The following TOPAZ1 variants were observed in gnomAD, a reference collection of about 807,000 sequenced individuals.
TOPAZ1 encodes testis and ovary specific TOPAZ 1, also known as protein TOPAZ1.
Under a neutral mutation model 172.2 loss-of-function variants are expected in TOPAZ1, and 66 were observed. The observed-to-expected ratio is 0.38, with a 90% CI of 0.31 to 0.47. The LOEUF (loss-of-function observed/expected upper bound fraction) is 0.47. TOPAZ1 is among the 20% of genes least tolerant of loss of function. The probability of loss-of-function intolerance (pLI) is 0.99; values close to 1 mark genes in which losing one functional copy is unlikely to be tolerated. For missense variants in TOPAZ1, 1,822 were observed against 1,972.4 expected (o/e 0.92, Z 1.44); for synonymous variants, 681 against 683.9 (o/e 1.00, Z 0.07).
In TOPAZ1 at chr3:44,331,792, G is replaced by A. The variant is rs1210215596; in HGVS notation, c.4860G>A (p.Arg1620=). ...ACTTTATGAGGTGTTCATTTTATAG[G>A]TGTGAAGACAACCAGTCTCGGAGCA... ...STQILQIVLK[R]CEDNQSRSND... is the part of the protein sequence containing the mutation. The change falls in exon 20 of 20, where the codon AGG becomes AGA. Residue 1620 remains arginine, a splice_region_variant and synonymous_variant. Transcript: ENST00000309765. 66 of 1,550,446 alleles carry A rather than the reference G, an allele frequency of 4.3e-5. No individual in the cohort carries two copies. Among genetic ancestry groups the A allele is most frequent in the Non-Finnish European group, 5.7e-5 (65 of 1,145,868 alleles).
Position 44,287,507 on chromosome 3 carries a change from G to C in TOPAZ1, c.3555G>C (p.Gln1185His). 6.6e-7 allele frequency: 1 copy of C among 1,522,386 alleles called. No homozygotes were observed. Among genetic ancestry groups the C allele is most frequent in the Non-Finnish European group, 8.8e-7 (1 of 1,134,612 alleles). 94.3% of individuals were successfully genotyped at this position (1,522,386 alleles called of 1,614,324 possible). ...ATTGTTTGTTGAAAGAAGTATTTCA[G>C]ATAGTGAACCTCAGCATAATGGTTA... ...LKHCLLKEVF[Q>H]IVNLSIMVKM... The change falls in exon 10 of 20, where the codon CAG (glutamine) becomes CAC (histidine). Residue 1185 changes from glutamine (Q) to histidine (H), a missense_variant. By Grantham distance (24) the Gln-to-His change is conservative (BLOSUM62 0). Coordinates refer to ENST00000309765, the MANE Select transcript of TOPAZ1 (RefSeq NM_001145030.2).
intron 18 of TOPAZ1, among the ~76,000 whole-genome samples, chr3:44,325,264 C>T (rs1700586543): frequency 6.6e-6 from 1 of 152,186 alleles, no homozygotes; most frequent in African/African-American, 2.4e-5. Context: ...CGCTGACTTT[C>T]TTCAAGGCAC....
Position 44,266,993 on chromosome 3 carries a change from A to C in TOPAZ1, c.3021-4A>C, listed in dbSNP as rs1699837117. The C allele has an allele frequency of 1.3e-6, 2 of 1,527,562 alleles. No individual in the cohort carries two copies. Among genetic ancestry groups the C allele is most frequent in the South Asian group, 2.5e-5 (2 of 78,810 alleles). The allele number at this position is 1,527,562 out of a possible 1,614,324, so 94.6% of individuals were successfully genotyped here. ...TTCTGATGTTAATTTTTCCTTTCAC[A>C]CAGCAAAGATTCTAGAAATGCAGAC... On this transcript the variant is annotated splice_region_variant and splice_polypyrimidine_tract_variant and intron_variant, in intron 5 of 19. Coordinates refer to ENST00000309765, the MANE Select transcript of TOPAZ1 (RefSeq NM_001145030.2).
chr3:44,270,264 G>A (rs1485345069), intron 7 of TOPAZ1, among the ~76,000 whole-genome samples: 4 of 152,244 alleles, frequency 2.6e-5, no homozygotes, highest in Admixed American at 1.3e-4. Context: ...TTAACTTTTT[G>A]TAAAAGCAGA....
chr3:44,253,653 A>G (rs960514701), intron 2 of TOPAZ1, among the ~76,000 whole-genome samples: 2 of 152,220 alleles, frequency 1.3e-5, no homozygotes, highest in Non-Finnish European at 2.9e-5. Flanking sequence ...GAATCTAGAA[A>G]GGTCCAGGTT....
rs766888710 is a variant in TOPAZ1 at position 44,287,416 on chromosome 3, A to G, written c.3464A>G (p.Lys1155Arg). Residue 1155 changes from lysine (K) to arginine (R), a missense_variant, in exon 10 of 20, where the codon AAG (lysine) becomes AGG (arginine). By Grantham distance (26) the Lys-to-Arg change is conservative. This residue lies in a region of TOPAZ1 where 1,489 missense variants were observed against 1,490.8 expected (regional missense o/e 1.00). Coordinates refer to ENST00000309765, the MANE Select transcript of TOPAZ1 (RefSeq NM_001145030.2). The part of the protein sequence containing the change: ...AVNIFMEYYR[K>R]FPPGVYFDLQ... ...AACATATTTATGGAGTACTACAGAAAGTTTCCCCCAGGTGTATACTTTGAT... is the reference window on the plus strand; with the variant it reads ...AACATATTTATGGAGTACTACAGAAGGTTTCCCCCAGGTGTATACTTTGAT... The G allele has an allele frequency of 1.1e-5, 16 of 1,506,438 alleles. No individual in the cohort carries two copies. The South Asian group carries it at 2.0e-4, about 19-fold the overall frequency. The allele number at this position is 1,506,438 out of a possible 1,614,324, so 93.3% of individuals were successfully genotyped here. A position where few individuals can be genotyped will look rare whatever the true frequency, so the allele number is the denominator to read the frequency against.
chr3:44,323,410 T>C, intron 18 of TOPAZ1, 115 bp downstream of exon 18: 2 of 607,862 alleles, frequency 3.3e-6, no homozygotes, highest in Non-Finnish European at 5.3e-6. Flanking sequence ...GTAATACATA[T>C]TCAAATGTAG....
chr3:44,274,658 G>A (rs1433467591), intron 8 of TOPAZ1, among the ~76,000 whole-genome samples: 4 of 151,442 alleles, frequency 2.6e-5, no homozygotes, highest in Admixed American at 6.6e-5. Context: ...GGGTTCAAGC[G>A]ATTCTCCTGC....
At chr3:44,279,135 T>A (rs1023891567) in intron 8 of TOPAZ1, among the ~76,000 whole-genome samples, 2 of 152,200 alleles carry the variant, frequency 1.3e-5, no homozygotes, top group Non-Finnish European at 2.9e-5. Flanking sequence ...TTGCACAGTT[T>A]CCAGAGTTCC....
At chr3:44,267,458 C>A (rs1699843871) in intron 6 of TOPAZ1, among the ~76,000 whole-genome samples, 1 of 151,930 alleles carries the variant, frequency 6.6e-6, no homozygotes, top group African/African-American at 2.4e-5. Flanking sequence ...CCATGCCCGG[C>A]TAATTTTTTT....
At position 44,242,043 on chromosome 3, in the gene TOPAZ1, C is replaced by T. The variant is rs1287300652; in HGVS notation, c.-11C>T. ...GTGCAGAGGGGCCCCAGCGGGCCGG[C>T]CCCGGGGCACATGCGACGACCTCCA... On this transcript the variant is annotated 5_prime_UTR_variant, in exon 1 of 20. Transcript: ENST00000309765. 2 of 1,540,592 alleles carry T rather than the reference C, an allele frequency of 1.3e-6. No homozygotes were observed. The highest frequency in any genetic ancestry group is 2.4e-5 in the East Asian group (1 of 40,828).
chr3:44,310,417 T>C (rs1375792044), intron 16 of TOPAZ1, among the ~76,000 whole-genome samples: 3 of 152,130 alleles, frequency 2.0e-5, no homozygotes, highest in Non-Finnish European at 4.4e-5. Context: ...GAGAATCGCT[T>C]GAACCCGGGA....
intron 7 of TOPAZ1, 111 bp downstream of exon 7, chr3:44,269,412 T>A: frequency 2.4e-6 from 1 of 419,766 alleles, no homozygotes; most frequent in Non-Finnish European, 4.5e-6. Context: ...TATCCTCCCC[T>A]TAAAAAAATA....
intron 18 of TOPAZ1, among the ~76,000 whole-genome samples, chr3:44,328,039 C>G (rs1292391320): frequency 1.3e-5 from 2 of 152,184 alleles, no homozygotes; most frequent in African/African-American, 4.8e-5. Context: ...TCACCACACC[C>G]AGCCCTTCTC....
intron 18 of TOPAZ1, among the ~76,000 whole-genome samples, chr3:44,324,557 G>C (rs1700576087): frequency 6.6e-6 from 1 of 151,896 alleles, no homozygotes; most frequent in African/African-American, 2.4e-5. Context: ...ATTTAAATGA[G>C]ATTTTTATAA....
chr3:44,241,935 C>A lies in TOPAZ1; in HGVS notation c.-119C>A. 1.1e-6 allele frequency: 1 copy of A among 944,718 alleles called. No individual in the cohort carries two copies. The highest frequency in any genetic ancestry group is 1.5e-6 in the Non-Finnish European group (1 of 650,226). The allele number at this position is 944,718 out of a possible 1,614,324, so 58.5% of individuals were successfully genotyped here. A position where few individuals can be genotyped will look rare whatever the true frequency, so the allele number is the denominator to read the frequency against. On this transcript the variant is annotated 5_prime_UTR_variant, in exon 1 of 20. The change creates a new upstream start codon in the 5' untranslated region. Transcript: ENST00000309765. ...CGCTTCCGGCCCCGGGCTGTGGTGA[C>A]TGGCGGTGTGGGGTGGGTCAGAGGG...
At chr3:44,320,445 A>C (rs1372697970) in intron 16 of TOPAZ1, among the ~76,000 whole-genome samples, 2 of 152,110 alleles carry the variant, frequency 1.3e-5, no homozygotes, top group Non-Finnish European at 2.9e-5. Context: ...AACATACAAA[A>C]AATTTAGCCA....
chr3:44,276,623 T>C (rs1699960899), intron 8 of TOPAZ1, among the ~76,000 whole-genome samples: 1 of 111,946 alleles, frequency 8.9e-6, no homozygotes, highest in South Asian at 3.5e-4. Flanking sequence ...CCAGCTTTGT[T>C]CTTTTTTTTT....
intron 12 of TOPAZ1, among the ~76,000 whole-genome samples, chr3:44,298,909 ATT>A (rs1220596657): frequency 0.015 from 624 of 41,202 alleles, 12 homozygotes; most frequent in Middle Eastern, 0.094. Context: ...ATATATATAT[ATT>A]TTTTTTTTTT....
Sources: gnomAD v4.1 joint callset for allele counts (sites outside exome capture counted in the v4.1 genomes callset) on GRCh38, gnomAD v4.1.1 for gene constraint, gnomAD v4.1.1 regional missense constraint, MANE v1.5 for transcripts, NCBI Gene and HGNC (gene_info 2026-07-23, HGNC 2026-07-21) for gene names.